Variants in ADGRD1 observed in about 807,000 individuals in gnomAD.
ADGRD1 encodes adhesion G protein-coupled receptor D1.
In ADGRD1, 77 loss-of-function variants were observed where a neutral mutation model predicts 113.4. The observed-to-expected ratio is 0.68, with a 90% CI of 0.57 to 0.82. The LOEUF is 0.82. ADGRD1 is among the 40% of genes least tolerant of loss of function. The pLI is 0.00. For missense variants in ADGRD1, 1,036 were observed against 1,139.1 expected (o/e 0.91, Z 1.30); for synonymous variants, 474 against 475.0 (o/e 1.00, Z 0.03).
intron 20 of ADGRD1, among the ~76,000 whole-genome samples, chr12:131,127,589 G>A (rs1006697818): frequency 2.7e-5 from 4 of 148,092 alleles, no homozygotes; most frequent in Admixed American, 1.3e-4. Flanking sequence ...CTGAGCTCAG[G>A]TGGGGTGTTG....
chr12:131,094,766 G>T (rs1160576867), intron 15 of ADGRD1, among the ~76,000 whole-genome samples: 3 of 152,224 alleles, frequency 2.0e-5, no homozygotes, highest in African/African-American at 4.8e-5. Context: ...GGGTCCTTCT[G>T]CATGGGCTCC....
rs1879466276 is a variant in ADGRD1 at position 131,022,765 on chromosome 12, GA to G, written c.1473+8428del. 6.6e-6 allele frequency: 1 copy of G among 151,954 alleles called. No individual in the cohort carries two copies. Among genetic ancestry groups the G allele is most frequent in the South Asian group, 2.1e-4 (1 of 4,812 alleles). 9.4% of individuals were successfully genotyped at this position (151,954 alleles called of 1,614,324 possible). On this transcript the variant is annotated intron_variant, in intron 13 of 24. Transcript: ENST00000261654. The surrounding 1 kb of genome is among the most constrained non-coding windows in gnomAD (Gnocchi z 4.6). ...GCCTTTGGTTGGAGAATGGCGTTTA[GA>G]AAGCAGGATTAGGGACAGGCGTGCT...
intron 19 of ADGRD1, among the ~76,000 whole-genome samples, chr12:131,119,717 G>C (rs1032759755): frequency 2.6e-4 from 40 of 152,246 alleles, no homozygotes; most frequent in African/African-American, 9.6e-4. Flanking sequence ...TCTCCGGAGA[G>C]CCTGGTTTGA....
At chr12:131,028,456 C>G (rs945451281) in intron 13 of ADGRD1, among the ~76,000 whole-genome samples, 1 of 151,942 alleles carries the variant, frequency 6.6e-6, no homozygotes, top group Non-Finnish European at 1.5e-5. Context: ...CAGTGCAGTC[C>G]GGTTTATCAA....
chr12:131,040,388 A>ACATAT (rs1389687208), intron 13 of ADGRD1, among the ~76,000 whole-genome samples: 2 of 152,268 alleles, frequency 1.3e-5, no homozygotes, highest in African/African-American at 4.8e-5. Context: ...TATACATTAA[A>ACATAT]GTAAATGTAT....
rs1158700735 is a variant in ADGRD1, at chr12:130,954,732, A to C, written c.103+72A>C. ...AGTGCAGGTATCTCAGGAACAGCCCACTTGTTCATCTCTGAGGCATCAGCG... is the reference window on the plus strand; with the variant it reads ...AGTGCAGGTATCTCAGGAACAGCCCCCTTGTTCATCTCTGAGGCATCAGCG... On this transcript the variant is annotated intron_variant, in intron 2 of 24. Transcript: ENST00000261654. This position sits in a 1 kb window ranked among gnomAD's most constrained non-coding sequence, Gnocchi z 4.7. The C allele has an allele frequency of 2.2e-5, 31 of 1,437,224 alleles. No individual in the cohort carries two copies. The highest frequency in any genetic ancestry group is 2.8e-5 in the African/African-American group (2 of 71,580). The allele number at this position is 1,437,224 out of a possible 1,614,324, so 89.0% of individuals were successfully genotyped here.
At chr12:130,975,991 ACTT>A (rs143081940) in intron 4 of ADGRD1, among the ~76,000 whole-genome samples, 15 of 152,160 alleles carry the variant, frequency 9.9e-5, no homozygotes, top group East Asian at 3.9e-4. Context: ...TGCATTAAGA[ACTT>A]CTTCTGCTTA....
intron 13 of ADGRD1, among the ~76,000 whole-genome samples, chr12:131,043,592 G>A (rs979509166): frequency 6.6e-6 from 1 of 152,272 alleles, no homozygotes; most frequent in African/African-American, 2.4e-5. Context: ...TGGTGAGGGA[G>A]GCAGTGCTGC....
chr12:131,003,226 C>T lies in ADGRD1; in HGVS notation c.1068C>T (p.Thr356=), dbSNP rs375414030. 3.7e-6 allele frequency: 6 copies of T among 1,613,956 alleles called. No individual in the cohort carries two copies. Among genetic ancestry groups the T allele is most frequent in the Admixed American group, 1.7e-5 (1 of 60,002 alleles). Residue 356 remains threonine (T), a synonymous_variant, in exon 10 of 25, where the codon ACC becomes ACT. Transcript: ENST00000261654. This position sits in a 1 kb window ranked among gnomAD's most constrained non-coding sequence, Gnocchi z 4.8. ...VVLSLIDTID[T]VMGHVSSNLH... ...TGAGTCTCATCGACACTATTGACAC[C>T]GTCATGGGCCATGTATCCTCCAACC...
rs779950636 is a variant in ADGRD1 at position 131,131,810 on chromosome 12, C to T, written c.2261C>T (p.Ala754Val). 1 of 1,607,476 alleles carries T rather than the reference C, an allele frequency of 6.2e-7. No homozygotes were observed. The highest frequency in any genetic ancestry group is 1.7e-5 in the Admixed American group (1 of 60,000). ...DNYKIHGDPS[A>V]FKLTAKAVAV... Reference sequence around the variant, plus strand: ...TACAAGATCCATGGAGACCCCAGTGCCTTCAAGTAAGTTGACCTCAGGCTG... The same window carrying T: ...TACAAGATCCATGGAGACCCCAGTGTCTTCAAGTAAGTTGACCTCAGGCTG... The change falls in exon 21 of 25, where the codon GCC (alanine) becomes GTC (valine). Residue 754 changes from alanine (A) to valine (V), a missense_variant. Transcript: ENST00000261654.
chr12:131,056,090 G>T (rs1419237659), intron 13 of ADGRD1, among the ~76,000 whole-genome samples: 1 of 152,192 alleles, frequency 6.6e-6, no homozygotes, highest in Non-Finnish European at 1.5e-5. Context: ...CCCATCATCT[G>T]AAATCTTCTA....
intron 20 of ADGRD1, among the ~76,000 whole-genome samples, chr12:131,128,109 G>A (rs1046191933): frequency 3.5e-5 from 5 of 141,918 alleles, no homozygotes; most frequent in Non-Finnish European, 7.6e-5. Flanking sequence ...ATGGGATTCT[G>A]AGCTCAGGTG....
At chr12:131,029,627 G>A (rs566064748) in intron 13 of ADGRD1, among the ~76,000 whole-genome samples, 33 of 99,270 alleles carry the variant, frequency 3.3e-4, no homozygotes, top group Non-Finnish European at 4.5e-4. Context: ...TTGTGGACCC[G>A]TCGTAGGTGA....
chr12:131,123,625 T>G (rs907107208), intron 20 of ADGRD1, among the ~76,000 whole-genome samples: 2 of 151,638 alleles, frequency 1.3e-5, no homozygotes, highest in Admixed American at 6.6e-5. Context: ...ATCGAGACCA[T>G]CCTGGCTAAC....
chr12:131,015,124 C>A (rs1018156457), intron 13 of ADGRD1, among the ~76,000 whole-genome samples: 1 of 152,244 alleles, frequency 6.6e-6, no homozygotes, highest in African/African-American at 2.4e-5. Context: ...CTATTTCATT[C>A]TGTTTCACTC....
chr12:131,035,583 C>A (rs778851783), intron 13 of ADGRD1: 1 of 152,164 alleles, frequency 6.6e-6, no homozygotes, highest in Non-Finnish European at 1.5e-5. Flanking sequence ...GAAGGAAATC[C>A]ACTGAGCCGA....
intron 17 of ADGRD1, among the ~76,000 whole-genome samples, chr12:131,106,732 A>G (rs1950241222): frequency 1.3e-5 from 2 of 152,098 alleles, no homozygotes; most frequent in Admixed American, 6.5e-5. Context: ...CTATGGACAG[A>G]CCCACCTTCA....
At chr12:131,010,887 C>T (rs1057417534) in intron 12 of ADGRD1, among the ~76,000 whole-genome samples, 4 of 152,110 alleles carry the variant, frequency 2.6e-5, no homozygotes, top group East Asian at 1.9e-4. Context: ...CCCGGGGCAG[C>T]GACTGTGCCC....
rs966959845 is a variant in ADGRD1 at position 131,014,311 on chromosome 12, C to G, written c.1444C>G (p.Leu482Val). ...TLSQNLSGSP[L>V]ITVHLKHRLT... ...GTCTCAGAACCTGTCGGGCTCTCCA[C>G]TCATTACGGTCCACCTCAAGCACAG... is the stretch of plus-strand genomic sequence containing the variant. Residue 482 changes from leucine (L) to valine (V), a missense_variant, in exon 13 of 25, where the codon CTC becomes GTC. Transcript: ENST00000261654. The G allele has an allele frequency of 1.9e-6, 3 of 1,614,048 alleles. No individual in the cohort carries two copies. Among genetic ancestry groups the G allele is most frequent in the Non-Finnish European group, 2.5e-6 (3 of 1,179,928 alleles).
Sources: gnomAD v4.1 joint callset for allele counts (sites outside exome capture counted in the v4.1 genomes callset) on GRCh38, gnomAD v4.1.1 for gene constraint, Gnocchi (gnomAD v3.1) non-coding constraint, MANE v1.5 for transcripts, NCBI Gene and HGNC (gene_info 2026-07-23, HGNC 2026-07-21) for gene names.